The following B2M variants were observed in gnomAD, a reference collection of about 807,000 sequenced individuals.
The protein encoded by B2M is beta chain of MHC class I molecules.
B2M carries 3 observed loss-of-function variants against 14.5 expected under a neutral mutation model. The observed-to-expected ratio is 0.21, with a 90% CI of 0.09 to 0.53. B2M has a LOEUF of 0.53. B2M is among the 20% of genes least tolerant of loss of function. The pLI is 0.95. For missense variants in B2M, 107 were observed against 140.8 expected (o/e 0.76, Z 1.21); for synonymous variants, 45 against 52.7 (o/e 0.85, Z 0.64).
intron 1 of B2M, 97 bp downstream of exon 1, chr15:44,711,710 C>T: frequency 1.4e-6 from 2 of 1,436,608 alleles, no homozygotes; most frequent in Non-Finnish European, 1.9e-6. Context: ...CTTCCCTTCT[C>T]CAAGTTCTCC....
At chr15:44,713,853 G>A (rs1481086285) in intron 1 of B2M, 1 of 152,126 alleles carries the variant, frequency 6.6e-6, no homozygotes, top group South Asian at 2.1e-4. Flanking sequence ...TAATGATAGG[G>A]TGTTTCTAGA....
At chr15:44,716,250 T>A in intron 2 of B2M, 79 bp from the exon 3 acceptor site, 1 of 1,503,136 alleles carries the variant, frequency 6.7e-7, no homozygotes, top group East Asian at 2.3e-5. Flanking sequence ...TCTAACCATT[T>A]TAGACATTTG....
intron 1 of B2M, chr15:44,713,597 C>G (rs2086911125): frequency 1.3e-5 from 2 of 152,202 alleles, no homozygotes; most frequent in Non-Finnish European, 2.9e-5. Flanking sequence ...CAAACCCAGC[C>G]TGTCTGATAC....
In B2M at chr15:44,711,582, A is replaced by G. The variant is rs11553044; in HGVS notation, c.36A>G (p.Leu12=). 2 of 1,613,462 alleles carry G rather than the reference A, an allele frequency of 1.2e-6. No individual in the cohort carries two copies. The highest frequency in any genetic ancestry group is 1.7e-6 in the Non-Finnish European group (2 of 1,179,886). Reference sequence around the variant, plus strand: ...CCGTGGCCTTAGCTGTGCTCGCGCTACTCTCTCTTTCTGGCCTGGAGGCTA... The same window carrying G: ...CCGTGGCCTTAGCTGTGCTCGCGCTGCTCTCTCTTTCTGGCCTGGAGGCTA... ...SRSVALAVLA[L]LSLSGLEAIQ... is the part of the protein sequence containing the mutation. The change falls in exon 1 of 4, where the codon CTA becomes CTG. Residue 12 remains leucine, a synonymous_variant. Coordinates refer to ENST00000648006, the MANE Select transcript of B2M (RefSeq NM_004048.4).
In B2M at chr15:44,715,350, T is replaced by C. The variant is rs117787134; in HGVS notation, c.68-73T>C. 12,612 of 1,511,966 alleles carry C rather than the reference T, an allele frequency of 8.3e-3. 107 individuals carry two copies. Among genetic ancestry groups the C allele is most frequent in the Non-Finnish European group, 8.4e-3 (9,248 of 1,099,122 alleles). 93.7% of individuals were successfully genotyped at this position (1,511,966 alleles called of 1,614,324 possible). The stretch of plus-strand genomic sequence containing the variant: ...AAATGTAAACACTTGGTGCCTGATA[T>C]AGCTTGACACCAAGTTAGCCCCAAG... On this transcript the variant is annotated intron_variant, in intron 1 of 3. Transcript: ENST00000648006.
At position 44,715,595 on chromosome 15, in the gene B2M, GTCTT is replaced by G; in HGVS notation, c.244_247del (p.Phe82IlefsTer20). On this transcript the variant is annotated frameshift_variant, in exon 2 of 4. Transcript: ENST00000648006. LOFTEE classifies it high-confidence loss of function. ...CAGACTTGTCTTTCAGCAAGGACTG[GTCTT>G]TCTATCTCTTGTACTACACTGAATT... 1 of 1,614,158 alleles carries G rather than the reference GTCTT, an allele frequency of 6.2e-7. No homozygotes were observed. Among genetic ancestry groups the G allele is most frequent in the Non-Finnish European group, 8.5e-7 (1 of 1,180,018 alleles).
chr15:44,716,860 T>G (rs2086947634), intron 3 of B2M: 1 of 158,934 alleles, frequency 6.3e-6, no homozygotes, highest in African/African-American at 2.4e-5. Flanking sequence ...TTGTTATAAC[T>G]TGATATAATG....
In B2M at chr15:44,711,519, T is replaced by G. The variant is rs747213814; in HGVS notation, c.-28T>G. ...GTGGAGGCGTCGCGCTGGCGGGCAT[T>G]CCTGAAGCTGACAGCATTCGGGCCG... is the stretch of plus-strand genomic sequence containing the variant. On this transcript the variant is annotated 5_prime_UTR_variant, in exon 1 of 4. In the 5' UTR this introduces an upstream ATG that the reference lacks. Transcript: ENST00000648006. 1 of 1,612,374 alleles carries G rather than the reference T, an allele frequency of 6.2e-7. No individual in the cohort carries two copies. The highest frequency in any genetic ancestry group is 8.5e-7 in the Non-Finnish European group (1 of 1,179,532).
chr15:44,711,752 T>TG, intron 1 of B2M, 139 bp downstream of exon 1: 1 of 1,158,634 alleles, frequency 8.6e-7, no homozygotes. Flanking sequence ...AGTCCAGGGC[T>TG]GGATCTCGGG....
rs2086864762 is a variant in B2M at position 44,711,546 on chromosome 15, G to C, written c.-1G>C. On this transcript the variant is annotated 5_prime_UTR_variant, in exon 1 of 4. Transcript: ENST00000648006. ...CTGAAGCTGACAGCATTCGGGCCGA[G>C]ATGTCTCGCTCCGTGGCCTTAGCTG... 1.9e-6 allele frequency: 3 copies of C among 1,613,618 alleles called. No individual in the cohort carries two copies. Among genetic ancestry groups the C allele is most frequent in the African/African-American group, 1.3e-5 (1 of 74,900 alleles).
chr15:44,715,127 TA>T, intron 1 of B2M: 1 of 475,854 alleles, frequency 2.1e-6, no homozygotes, highest in South Asian at 2.1e-5. Flanking sequence ...GAAAGGCTCT[TA>T]AAAATGCAGC....
intron 1 of B2M, chr15:44,711,958 T>G: frequency 4.5e-6 from 2 of 446,962 alleles, no homozygotes; most frequent in Non-Finnish European, 8.4e-6. Flanking sequence ...GCGGGGCCTC[T>G]GGCTCCCCCA....
intron 1 of B2M, 117 bp downstream of exon 1, chr15:44,711,730 C>A (rs1276520672): frequency 1.6e-6 from 2 of 1,287,954 alleles, no homozygotes; most frequent in Admixed American, 3.8e-5. Context: ...CTTGGTGGCC[C>A]GCCGTGGGGC....
chr15:44,714,758 A>T (rs2141288079), intron 1 of B2M: 1 of 152,754 alleles, frequency 6.5e-6, no homozygotes, highest in East Asian at 1.9e-4. Flanking sequence ...AAAAATAAAA[A>T]AATAAAGAAC....
chr15:44,711,968 A>C, intron 1 of B2M: 1 of 437,010 alleles, frequency 2.3e-6, no homozygotes, highest in Non-Finnish European at 4.3e-6. Flanking sequence ...TGGCTCCCCC[A>C]GCGCAGCTGG....
At position 44,717,817 on chromosome 15, in the gene B2M, G is replaced by A. The variant is rs2086960820; in HGVS notation, c.*225G>A. ...GTTGCTCCACAGGTAGCTCTAGGAG[G>A]GCTGGCAACTTAGAGGTGGGGAGCA... On this transcript the variant is annotated 3_prime_UTR_variant, in exon 4 of 4. Transcript: ENST00000648006. The A allele has an allele frequency of 6.6e-6, 1 of 152,124 alleles. No homozygotes were observed. The highest frequency in any genetic ancestry group is 2.1e-4 in the South Asian group (1 of 4,832). 9.4% of individuals were successfully genotyped at this position (152,124 alleles called of 1,614,324 possible).
At chr15:44,717,523 CA>C (rs1210404550) in intron 3 of B2M, 83 bp from the exon 4 acceptor site, 1 of 152,182 alleles carries the variant, frequency 6.6e-6, no homozygotes, top group Non-Finnish European at 1.5e-5. Context: ...GTGATCTACA[CA>C]GTAGAAATTA....
chr15:44,717,520 A>C (rs1482164984), intron 3 of B2M, 87 bp from the exon 4 acceptor site: 1 of 152,230 alleles, frequency 6.6e-6, no homozygotes, highest in African/African-American at 2.4e-5. Flanking sequence ...AAGGTGATCT[A>C]CACAGTAGAA....
intron 2 of B2M, 63 bp from the exon 3 acceptor site, chr15:44,716,266 A>G (rs1566877492): frequency 6.5e-7 from 1 of 1,541,996 alleles, no homozygotes; most frequent in South Asian, 1.1e-5. Context: ...ATTTGTTAGT[A>G]CATGGTATTT....
Sources: gnomAD v4.1 joint callset for allele counts on GRCh38, gnomAD v4.1.1 for gene constraint, MANE v1.5 for transcripts, NCBI Gene and HGNC (gene_info 2026-07-23, HGNC 2026-07-21) for gene names.